LMX1A: variants seen among roughly 807,000 people sequenced by gnomAD.
LMX1A encodes LIM homeobox transcription factor 1-alpha.
In LMX1A, 15 loss-of-function variants were observed where a neutral mutation model predicts 49.1. That is an observed-to-expected ratio of 0.31 (90% CI 0.20 to 0.47). LMX1A has a LOEUF of 0.47. LMX1A is among the 20% of genes least tolerant of loss of function. LMX1A has a pLI of 1.00. For synonymous variants in LMX1A, 167 were observed against 185.7 expected (o/e 0.90, Z 0.82); for missense variants, 372 against 475.8 (o/e 0.78, Z 2.03).
intron 4 of LMX1A, among the ~76,000 whole-genome samples, chr1:165,243,637 T>C (rs182214110): frequency 6.6e-6 from 1 of 152,370 alleles, no homozygotes; most frequent in East Asian, 1.9e-4. Context: ...CATTTCTGTC[T>C]TGAACTTGAA....
chr1:165,241,769 A>C (rs4656438), intron 4 of LMX1A, among the ~76,000 whole-genome samples: 152,025 of 152,270 alleles, frequency 1, 75,890 homozygotes, highest in Middle Eastern at 1. Flanking sequence ...AAGAAGATTT[A>C]CAAGACAGGG....
intron 3 of LMX1A, among the ~76,000 whole-genome samples, chr1:165,342,863 T>G (rs968027298): frequency 1.3e-4 from 19 of 151,674 alleles, no homozygotes; most frequent in Admixed American, 2.6e-4. Context: ...ATGGTGTGAT[T>G]TAGTGGAAAG....
chr1:165,318,999 TCA>T (rs35582531), intron 3 of LMX1A, among the ~76,000 whole-genome samples: 1,908 of 117,702 alleles, frequency 0.016, 21 homozygotes, highest in African/African-American at 0.031. Flanking sequence ...TCTCTCTCTC[TCA>T]CACACACACA....
Position 165,213,774 on chromosome 1 carries a change from T to C in LMX1A, c.536A>G (p.His179Arg), listed in dbSNP as rs748760314. 6.2e-7 allele frequency: 1 copy of C among 1,614,182 alleles called. No homozygotes were observed. The highest frequency in any genetic ancestry group is 1.1e-5 in the South Asian group (1 of 91,076). The change falls in exon 5 of 9, where the codon CAT becomes CGT. Residue 179 changes from histidine to arginine, a missense_variant. His to Arg is a conservative substitution (Grantham distance 29, BLOSUM62 0). Around this residue, in one of 3 missense-constraint regions of LMX1A, gnomAD observed 199 missense variants for 244.0 expected, o/e 0.82. Transcript: ENST00000342310. Reference protein sequence around the residue: ...DDEESLCKSAHGAGKGTAEEG... With the variant: ...DDEESLCKSARGAGKGTAEEG... ...CTCAGCAGTTCCTTTCCCTGCCCCA[T>C]GGGCTGACTTGCAGAGACTTTCTTC... is the stretch of plus-strand genomic sequence containing the variant.
intron 3 of LMX1A, among the ~76,000 whole-genome samples, chr1:165,324,176 TTTTC>T (rs1386852796): frequency 2.0e-5 from 3 of 152,164 alleles, no homozygotes; most frequent in Non-Finnish European, 4.4e-5. Flanking sequence ...AGTGCCTGCT[TTTTC>T]AGACAGACCA....
Position 165,354,814 on chromosome 1 carries a change from C to G in LMX1A, c.76+670G>C, listed in dbSNP as rs145919380. On this transcript the variant is annotated intron_variant, in intron 2 of 8. Coordinates refer to ENST00000342310, the MANE Select transcript of LMX1A (RefSeq NM_177398.4). ...GGCAGAGTGGGTGGGGGAGCCGTAACCAGAATCTCTGGCTTCAGCTCTGCA... is the reference window on the plus strand; with the variant it reads ...GGCAGAGTGGGTGGGGGAGCCGTAAGCAGAATCTCTGGCTTCAGCTCTGCA... Among the ~76,000 whole-genome samples, 101 of 152,362 alleles carry G rather than the reference C, an allele frequency of 6.6e-4. 3 individuals carry two copies. In the East Asian group the frequency reaches 0.018, roughly 26 times the overall value.
In LMX1A at chr1:165,301,349, G is replaced by A. The variant is rs182326904; in HGVS notation, c.264-51709C>T. On this transcript the variant is annotated intron_variant, in intron 3 of 8. Coordinates refer to ENST00000342310, the MANE Select transcript of LMX1A (RefSeq NM_177398.4). ...GTTTGGCTTACACCAAAACTAGCCTGAGTCCAAGATTACACTCCCGACAAC... is the reference window on the plus strand; with the variant it reads ...GTTTGGCTTACACCAAAACTAGCCTAAGTCCAAGATTACACTCCCGACAAC... Among the ~76,000 whole-genome samples, 505 of 141,494 alleles carry A rather than the reference G, an allele frequency of 3.6e-3. 7 individuals carry two copies. Among genetic ancestry groups the A allele is most frequent in the Non-Finnish European group, 5.2e-3 (340 of 65,364 alleles). The allele number at this position is 141,494 out of a possible 152,430, so 92.8% of individuals were successfully genotyped here.
chr1:165,309,931 T>C (rs1300657358), intron 3 of LMX1A, among the ~76,000 whole-genome samples: 1 of 152,226 alleles, frequency 6.6e-6, no homozygotes, highest in African/African-American at 2.4e-5. Flanking sequence ...CAAAGATGTC[T>C]CATTAGATAT....
At chr1:165,312,738 T>TC (rs1327923850) in intron 3 of LMX1A, among the ~76,000 whole-genome samples, 1 of 152,196 alleles carries the variant, frequency 6.6e-6, no homozygotes, top group Admixed American at 6.5e-5. Context: ...AAACAGATCC[T>TC]CCATCCCCAG....
At chr1:165,329,681 T>C (rs1384455221) in intron 3 of LMX1A, among the ~76,000 whole-genome samples, 2 of 91,754 alleles carry the variant, frequency 2.2e-5, no homozygotes, top group Non-Finnish European at 4.1e-5. Flanking sequence ...GTTAAAAAAA[T>C]CAGAGGATAC....
chr1:165,256,287 G>T (rs2102644161), intron 3 of LMX1A, among the ~76,000 whole-genome samples: 1 of 152,282 alleles, frequency 6.6e-6, no homozygotes, highest in South Asian at 2.1e-4. Context: ...GCTCAAAAGT[G>T]CTGCCTTTTC....
intron 3 of LMX1A, among the ~76,000 whole-genome samples, chr1:165,286,592 A>T (rs1654309928): frequency 6.6e-6 from 1 of 152,178 alleles, no homozygotes; most frequent in Non-Finnish European, 1.5e-5. Context: ...AGTAGAAGGG[A>T]GAGAGCCCAC....
chr1:165,327,642 C>T (rs1433436284), intron 3 of LMX1A, among the ~76,000 whole-genome samples: 2 of 152,192 alleles, frequency 1.3e-5, no homozygotes, highest in African/African-American at 4.8e-5. Flanking sequence ...CCTCAGGTTT[C>T]TCGTCCCACA....
chr1:165,250,327 G>C (rs72702429), intron 3 of LMX1A, among the ~76,000 whole-genome samples: 15,104 of 152,180 alleles, frequency 0.099, 884 homozygotes, highest in Non-Finnish European at 0.13. Context: ...TTCAAAGGTT[G>C]GTCTACAGAC....
chr1:165,248,832 A>C (rs1652952151), intron 4 of LMX1A, among the ~76,000 whole-genome samples: 1 of 152,206 alleles, frequency 6.6e-6, no homozygotes, highest in Admixed American at 6.5e-5. Context: ...TTTGTGGTGC[A>C]TGGAGTATAT....
At chr1:165,288,524 C>A (rs951594425) in intron 3 of LMX1A, among the ~76,000 whole-genome samples, 2 of 152,128 alleles carry the variant, frequency 1.3e-5, no homozygotes, top group African/African-American at 2.4e-5. Context: ...GCTAGAAAAA[C>A]CCCTCCTGGG....
chr1:165,291,994 G>A (rs1654483131), intron 3 of LMX1A, among the ~76,000 whole-genome samples: 1 of 150,636 alleles, frequency 6.6e-6, no homozygotes, highest in Non-Finnish European at 1.5e-5. Flanking sequence ...CCCGGGAGGC[G>A]GAGCTTGCAG....
intron 3 of LMX1A, among the ~76,000 whole-genome samples, chr1:165,292,645 A>C (rs1654506561): frequency 6.6e-6 from 1 of 152,240 alleles, no homozygotes. Flanking sequence ...TATTTCCTCC[A>C]AATAGGCAGC....
rs116244895 is a variant in LMX1A at position 165,282,309 on chromosome 1, A to G, written c.264-32669T>C. Among the ~76,000 whole-genome samples, 1,329 of 152,302 alleles carry G rather than the reference A, an allele frequency of 8.7e-3. 15 individuals are homozygous for G. The highest frequency in any genetic ancestry group is 0.027 in the Middle Eastern group (8 of 294). On this transcript the variant is annotated intron_variant, in intron 3 of 8. Transcript: ENST00000342310. ...TCAACATTCTCAAGGGATTGGCTCC[A>G]GAAGCCCCTCGGATACCAAAACTCT... is the stretch of plus-strand genomic sequence containing the variant.
Sources: allele counts gnomAD v4.1 joint callset (sites outside exome capture counted in the v4.1 genomes callset), GRCh38; gene constraint gnomAD v4.1.1; regional missense constraint gnomAD v4.1.1; transcripts MANE v1.5; gene names NCBI Gene and HGNC (gene_info 2026-07-23, HGNC 2026-07-21).